Variants in FREM1 observed in about 807,000 individuals in gnomAD.
FREM1 encodes the protein FRAS1 related extracellular matrix 1, also known as FRAS1-related extracellular matrix protein 1.
A neutral mutation model predicts 210.1 loss-of-function variants in FREM1; 220 were observed. The ratio of observed to expected loss-of-function variants is 1.05; its 90% CI spans 0.94 to 1.17. The LOEUF (loss-of-function observed/expected upper bound fraction) is 1.17. FREM1 is among the 50% of genes most tolerant of loss of function. FREM1 has a pLI of 0.00. For synonymous variants in FREM1, 1,189 were observed against 980.2 expected (o/e 1.21, Z -3.98); for missense variants, 3,454 against 2,675.5 (o/e 1.29, Z -6.42).
At chr9:14,889,146 T>C (rs768979064) in intron 1 of FREM1, among the ~76,000 whole-genome samples, 1 of 152,200 alleles carries the variant, frequency 6.6e-6, no homozygotes, top group African/African-American at 2.4e-5. Flanking sequence ...TCCTTAAGTA[T>C]AAATCGGTCT....
intron 24 of FREM1, chr9:14,779,407 A>C: frequency 4.3e-6 from 3 of 700,050 alleles, no homozygotes; most frequent in African/African-American, 1.9e-5. Flanking sequence ...GCAGAGAAGG[A>C]AGAAGAAAGA....
chr9:14,854,980 T>C (rs925723375), intron 5 of FREM1, among the ~76,000 whole-genome samples: 1 of 152,080 alleles, frequency 6.6e-6, no homozygotes, highest in African/African-American at 2.4e-5. Context: ...GTTCCATTAT[T>C]CTAATTTTCC....
chr9:14,780,492 T>G (rs1484536463), intron 24 of FREM1, among the ~76,000 whole-genome samples: 1 of 148,574 alleles, frequency 6.7e-6, no homozygotes, highest in African/African-American at 2.5e-5. Context: ...AGCATGTTCT[T>G]TTAGTACCCG....
intron 5 of FREM1, among the ~76,000 whole-genome samples, chr9:14,855,918 G>A (rs2131485497): frequency 6.6e-6 from 1 of 151,810 alleles, no homozygotes; most frequent in East Asian, 1.9e-4. Context: ...AAAGTGAAAG[G>A]AGTTTTGTGT....
chr9:14,848,820 G>GT, intron 6 of FREM1, 47 bp from the exon 7 acceptor site: 1 of 1,164,670 alleles, frequency 8.6e-7, no homozygotes, highest in Non-Finnish European at 1.3e-6. Context: ...AGCGTTACAG[G>GT]GTAAAGTAGC....
At chr9:14,744,539 A>G (rs917380024) in intron 35 of FREM1, among the ~76,000 whole-genome samples, 4 of 151,916 alleles carry the variant, frequency 2.6e-5, no homozygotes, top group Non-Finnish European at 4.4e-5. Context: ...TCCATTTTTG[A>G]TTTATCTACA....
intron 1 of FREM1, among the ~76,000 whole-genome samples, chr9:14,907,567 T>C (rs940006694): frequency 1.3e-5 from 2 of 152,200 alleles, no homozygotes; most frequent in African/African-American, 4.8e-5. Context: ...TGCCCTCCTA[T>C]GTAACCTGGC....
At chr9:14,857,815 G>A in intron 4 of FREM1, 66 bp from the exon 5 acceptor site, 1 of 1,179,652 alleles carries the variant, frequency 8.5e-7, no homozygotes, top group Non-Finnish European at 1.2e-6. Flanking sequence ...TTAGAAACCA[G>A]TACTCCGTCC....
At position 14,824,415 on chromosome 9, in the gene FREM1, T is replaced by C. The variant is rs189529588; in HGVS notation, c.2079-300A>G. Among the ~76,000 whole-genome samples, 31 of 152,344 alleles carry C rather than the reference T, an allele frequency of 2.0e-4. No individual in the cohort carries two copies. The East Asian group carries it at 5.6e-3, about 27-fold the overall frequency. On this transcript the variant is annotated intron_variant, in intron 11 of 36. Coordinates refer to ENST00000380880, the MANE Select transcript of FREM1 (RefSeq NM_001379081.2). ...GCATACGATACTAGCATAACGTATA[T>C]TCATGCCATTTTTCTAGATTGAGAT...
chr9:14,882,102 G>C (rs561484413), intron 1 of FREM1, among the ~76,000 whole-genome samples: 1 of 146,762 alleles, frequency 6.8e-6, no homozygotes, highest in Admixed American at 6.9e-5. Flanking sequence ...TTAACTCACT[G>C]TTATTATTTT....
chr9:14,856,569 C>T (rs2131500353), intron 5 of FREM1, among the ~76,000 whole-genome samples: 1 of 152,234 alleles, frequency 6.6e-6, no homozygotes, highest in East Asian at 1.9e-4. Flanking sequence ...TTCCTCAGCA[C>T]AAAATCTCAG....
intron 29 of FREM1, among the ~76,000 whole-genome samples, chr9:14,752,528 G>T (rs79981374): frequency 6.6e-6 from 1 of 152,270 alleles, no homozygotes; most frequent in Non-Finnish European, 1.5e-5. Context: ...GAACAAAGAA[G>T]TCACACACTG....
intron 10 of FREM1, among the ~76,000 whole-genome samples, chr9:14,828,288 T>C (rs1822857854): frequency 6.6e-6 from 1 of 152,226 alleles, no homozygotes; most frequent in South Asian, 2.1e-4. Context: ...CAAAGAAGAT[T>C]ATTCACAAGC....
intron 12 of FREM1, 37 bp downstream of exon 12, chr9:14,823,988 G>T: frequency 7.5e-7 from 1 of 1,325,054 alleles, no homozygotes; most frequent in Non-Finnish European, 1.1e-6. Context: ...GGGCACACTT[G>T]CATCATGTTT....
intron 1 of FREM1, among the ~76,000 whole-genome samples, chr9:14,881,598 T>C (rs1448294298): frequency 6.6e-6 from 1 of 152,194 alleles, no homozygotes; most frequent in Admixed American, 6.5e-5. Context: ...TAAAATAATA[T>C]AGCAAATGTT....
At chr9:14,808,248 T>A in intron 16 of FREM1, 114 bp from the exon 17 acceptor site, 1 of 627,730 alleles carries the variant, frequency 1.6e-6, no homozygotes, top group Non-Finnish European at 2.6e-6. Context: ...AGAAGTTATG[T>A]GGATAAAATA....
rs2133296905 is a variant in FREM1, at chr9:14,801,814, T to C, written c.3532A>G (p.Ile1178Val). 2.5e-6 allele frequency: 4 copies of C among 1,613,982 alleles called. No individual in the cohort carries two copies. The highest frequency in any genetic ancestry group is 2.5e-6 in the Non-Finnish European group (3 of 1,179,886). Residue 1178 changes from isoleucine to valine, a missense_variant, in exon 20 of 37, where the codon ATT becomes GTT. Ile to Val is a conservative substitution (Grantham distance 29). Transcript: ENST00000380880. ...CTGAACAGCAGGGCATCCTGGGGAATGTCCAGGTCCACAGCGCTGATGATG... is the reference window on the plus strand; with the variant it reads ...CTGAACAGCAGGGCATCCTGGGGAACGTCCAGGTCCACAGCGCTGATGATG... ...SSIISAVDLD[I>V]PQDALLFSIT...
intron 14 of FREM1, 116 bp downstream of exon 14, chr9:14,819,118 T>C: frequency 3.2e-6 from 2 of 624,400 alleles, no homozygotes; most frequent in Non-Finnish European, 2.7e-6. Flanking sequence ...GTGTGTTAAG[T>C]GGCATGTTGG....
At chr9:14,798,409 G>A (rs562694978) in intron 20 of FREM1, among the ~76,000 whole-genome samples, 10 of 152,146 alleles carry the variant, frequency 6.6e-5, no homozygotes, top group South Asian at 6.2e-4. Context: ...CCAGGAGTTC[G>A]AGGCCAGTTC....
Sources: allele counts gnomAD v4.1 joint callset (sites outside exome capture counted in the v4.1 genomes callset), GRCh38; gene constraint gnomAD v4.1.1; transcripts MANE v1.5; gene names NCBI Gene and HGNC (gene_info 2026-07-23, HGNC 2026-07-21).